Variants in CTNNA3 observed in about 807,000 individuals in gnomAD.
CTNNA3 encodes catenin alpha-3.
CTNNA3 carries 76 observed loss-of-function variants against 95.7 expected under a neutral mutation model. That is an observed-to-expected ratio of 0.79 (90% CI 0.66 to 0.96). The LOEUF (loss-of-function observed/expected upper bound fraction) is 0.96. Among genes scored for constraint, CTNNA3 ranks in the 40% least tolerant of loss-of-function variants. The pLI is 0.00. For synonymous variants in CTNNA3, 431 were observed against 374.4 expected (o/e 1.15, Z -1.74); for missense variants, 1,191 against 1,089.8 (o/e 1.09, Z -1.31).
intron 3 of CTNNA3, among the ~76,000 whole-genome samples, chr10:67,601,246 C>T (rs1843074104): frequency 1.3e-5 from 2 of 152,034 alleles, no homozygotes. Context: ...CACCAGAAAC[C>T]GGTTTCATGG....
intron 1 of CTNNA3, among the ~76,000 whole-genome samples, chr10:67,729,557 CTT>C (rs1167119801): frequency 6.6e-6 from 1 of 152,060 alleles, no homozygotes; most frequent in African/African-American, 2.4e-5. Flanking sequence ...CATTAATAAA[CTT>C]TTGTGATTTT....
intron 5 of CTNNA3, among the ~76,000 whole-genome samples, chr10:67,497,836 CTT>C (rs151334422): frequency 0.072 from 10,959 of 152,198 alleles, 474 homozygotes; most frequent in South Asian, 0.14. Context: ...GATGTTGGCC[CTT>C]TGTCAGATGG....
At chr10:67,740,643 A>G (rs1841331738) in intron 1 of CTNNA3, among the ~76,000 whole-genome samples, 1 of 151,398 alleles carries the variant, frequency 6.6e-6, no homozygotes, top group African/African-American at 2.4e-5. Context: ...GGCAGTCATT[A>G]AAAAGTCAGG....
At chr10:66,339,740 T>C (rs927543223) in intron 12 of CTNNA3, among the ~76,000 whole-genome samples, 2 of 151,772 alleles carry the variant, frequency 1.3e-5, no homozygotes, top group Non-Finnish European at 3.0e-5. Context: ...AGGGTCAGAG[T>C]TGATTTAATC....
At chr10:67,449,062 C>T (rs1846864856) in intron 5 of CTNNA3, among the ~76,000 whole-genome samples, 1 of 151,692 alleles carries the variant, frequency 6.6e-6, no homozygotes, top group Non-Finnish European at 1.5e-5. Context: ...AAAGCCAAAT[C>T]AGCCGAATCT....
chr10:67,060,218 TGA>T (rs1480079036), intron 7 of CTNNA3, among the ~76,000 whole-genome samples: 3 of 152,012 alleles, frequency 2.0e-5, no homozygotes, highest in Admixed American at 2.0e-4. Flanking sequence ...CTTGGGAGGC[TGA>T]GATGGGAGGA....
intron 5 of CTNNA3, among the ~76,000 whole-genome samples, chr10:67,349,221 G>T (rs112078832): frequency 1.3e-5 from 2 of 152,164 alleles, no homozygotes; most frequent in Non-Finnish European, 2.9e-5. Flanking sequence ...CAAAAGAACT[G>T]AGATCAGGAC....
chr10:66,307,150 A>C (rs2091946623), intron 12 of CTNNA3, among the ~76,000 whole-genome samples: 1 of 152,198 alleles, frequency 6.6e-6, no homozygotes, highest in East Asian at 1.9e-4. Context: ...CAGAACAGGA[A>C]GCAAGAATAG....
At chr10:66,839,703 A>G (rs1842984367) in intron 7 of CTNNA3, among the ~76,000 whole-genome samples, 2 of 152,206 alleles carry the variant, frequency 1.3e-5, no homozygotes, top group Admixed American at 6.5e-5. Context: ...CAAACATCTC[A>G]GAAAAGAACA....
chr10:66,633,772 G>A (rs1845239335), intron 9 of CTNNA3, among the ~76,000 whole-genome samples: 1 of 152,146 alleles, frequency 6.6e-6, no homozygotes, highest in African/African-American at 2.4e-5. Flanking sequence ...TTATATATGG[G>A]AGAGAAGGTA....
chr10:67,234,856 T>C (rs926750689), intron 5 of CTNNA3, among the ~76,000 whole-genome samples: 40 of 149,522 alleles, frequency 2.7e-4, no homozygotes, highest in Middle Eastern at 3.4e-3. Flanking sequence ...ACAAGCATTC[T>C]TATACACCAA....
intron 6 of CTNNA3, among the ~76,000 whole-genome samples, chr10:67,186,836 C>T (rs1374046923): frequency 6.6e-6 from 1 of 152,032 alleles, no homozygotes; most frequent in Non-Finnish European, 1.5e-5. Context: ...TGATTGCTGA[C>T]AGAACATTAT....
intron 12 of CTNNA3, among the ~76,000 whole-genome samples, chr10:66,359,684 T>C (rs576060834): frequency 6.6e-6 from 1 of 152,280 alleles, no homozygotes; most frequent in South Asian, 2.1e-4. Flanking sequence ...TTCATTCTTC[T>C]TGAGAGAAAG....
chr10:65,989,336 G>T (rs180941514), intron 15 of CTNNA3, among the ~76,000 whole-genome samples: 1 of 152,172 alleles, frequency 6.6e-6, no homozygotes, highest in Non-Finnish European at 1.5e-5. Flanking sequence ...GTTAAGTCAA[G>T]AAATACTGCA....
At chr10:66,101,593 C>T (rs1446776876) in intron 14 of CTNNA3, among the ~76,000 whole-genome samples, 1 of 152,060 alleles carries the variant, frequency 6.6e-6, no homozygotes, top group Non-Finnish European at 1.5e-5. Context: ...TGAGAAAATA[C>T]TTAGCGCACT....
intron 8 of CTNNA3, among the ~76,000 whole-genome samples, chr10:66,767,155 T>A (rs945693459): frequency 6.6e-6 from 1 of 152,082 alleles, no homozygotes; most frequent in Non-Finnish European, 1.5e-5. Context: ...TCTTTAAAGA[T>A]CATAATATCG....
chr10:66,382,377 A>C (rs1448024411), intron 11 of CTNNA3, among the ~76,000 whole-genome samples: 1 of 151,980 alleles, frequency 6.6e-6, no homozygotes, highest in Admixed American at 6.5e-5. Context: ...CTGGCTGGGG[A>C]AGGGGAATCT....
chr10:66,372,788 T>C (rs2092763769), intron 12 of CTNNA3, among the ~76,000 whole-genome samples: 2 of 152,114 alleles, frequency 1.3e-5, no homozygotes, highest in African/African-American at 4.8e-5. Flanking sequence ...GCCAGATGCT[T>C]ATAAAACCAT....
intron 16 of CTNNA3, among the ~76,000 whole-genome samples, chr10:65,973,164 C>A (rs573110380): frequency 6.6e-6 from 1 of 152,290 alleles, no homozygotes; most frequent in South Asian, 2.1e-4. Context: ...AAGAATTAAA[C>A]TGGACCCCTA....
Sources: gnomAD v4.1 joint callset for allele counts (sites outside exome capture counted in the v4.1 genomes callset) on GRCh38, gnomAD v4.1.1 for gene constraint, MANE v1.5 for transcripts, NCBI Gene and HGNC (gene_info 2026-07-23, HGNC 2026-07-21) for gene names.